CA8: variants seen among roughly 807,000 people sequenced by gnomAD.
The protein encoded by CA8 is carbonic anhydrase 8 (inactive).
CA8 carries 22 observed loss-of-function variants against 41.4 expected under a neutral mutation model. The observed-to-expected ratio is 0.53, with a 90% CI of 0.38 to 0.76. The LOEUF is 0.76. Among genes scored for constraint, CA8 ranks in the 30% least tolerant of loss-of-function variants. The pLI is 0.00. For missense variants in CA8, 270 were observed against 352.8 expected, an observed-to-expected ratio of 0.77 and a Z score of 1.88; for synonymous variants, 121 against 130.6, an observed-to-expected ratio of 0.93 and a Z score of 0.50.
chr8:60,279,300 T>C (rs1804334916), intron 2 of CA8, among the ~76,000 whole-genome samples: 1 of 152,224 alleles, frequency 6.6e-6, no homozygotes, highest in African/African-American at 2.4e-5. Context: ...AATTCTAATC[T>C]TTGGTTTCAC....
rs1432231964 is a variant in CA8 at position 60,232,323 on chromosome 8, C to T, written c.474G>A (p.Gly158=). ...CAATGATGGCGATTCCGTGCGGCTTCCCCACAGCCTCATCAATGCTGCCAA... is the reference window on the plus strand; with the variant it reads ...CAATGATGGCGATTCCGTGCGGCTTTCCCACAGCCTCATCAATGCTGCCAA... ...TLFGSIDEAV[G]KPHGIAIIAL... The change falls in exon 4 of 9, where the codon GGG becomes GGA. Residue 158 remains glycine (G), a synonymous_variant. Coordinates refer to ENST00000317995, the MANE Select transcript of CA8 (RefSeq NM_004056.6). 5.0e-6 allele frequency: 8 copies of T among 1,614,046 alleles called. No homozygotes were observed. The highest frequency in any genetic ancestry group is 6.8e-6 in the Non-Finnish European group (8 of 1,179,890).
intron 3 of CA8, among the ~76,000 whole-genome samples, chr8:60,237,151 G>A (rs1030320811): frequency 1.3e-5 from 2 of 152,152 alleles, no homozygotes; most frequent in Admixed American, 6.5e-5. Flanking sequence ...TAGGAATCTC[G>A]TCTTAGATTC....
intron 8 of CA8, among the ~76,000 whole-genome samples, chr8:60,193,668 T>C (rs918737727): frequency 6.6e-6 from 1 of 152,184 alleles, no homozygotes; most frequent in Non-Finnish European, 1.5e-5. Flanking sequence ...GTATTCAAAT[T>C]CCAGATTCCT....
intron 3 of CA8, among the ~76,000 whole-genome samples, chr8:60,262,660 G>A (rs1723071489): frequency 6.6e-6 from 1 of 152,172 alleles, no homozygotes. Context: ...ATGTACTCTG[G>A]GCAACATAGT....
In CA8 at chr8:60,279,839, A is replaced by T; in HGVS notation, c.142T>A (p.Tyr48Asn). The change falls in exon 2 of 9, where the codon TAC becomes AAC. Residue 48 changes from tyrosine to asparagine, a missense_variant. Physicochemically the swap from Tyr to Asn is moderately radical, Grantham distance 143. This residue lies in a region of CA8 where 123 missense variants were observed against 136.8 expected (regional missense o/e 0.90). Transcript: ENST00000317995. ...GLVFPDANGE[Y>N]QSPINLNSRE... ...GAGTTTAGGTTAATAGGAGACTGGT[A>T]TTCCCCATTAGCATCAGGAAACACC... 6.2e-7 allele frequency: 1 copy of T among 1,613,930 alleles called. No individual in the cohort carries two copies. Among genetic ancestry groups the T allele is most frequent in the Non-Finnish European group, 8.5e-7 (1 of 1,179,932 alleles).
At chr8:60,227,718 CT>C (rs1228611142) in intron 4 of CA8, among the ~76,000 whole-genome samples, 1 of 152,034 alleles carries the variant, frequency 6.6e-6, no homozygotes, top group African/African-American at 2.4e-5. Context: ...AAATCAAGAC[CT>C]TTCTTGATTA....
intron 7 of CA8, among the ~76,000 whole-genome samples, chr8:60,213,572 T>C (rs1461200443): frequency 2.6e-5 from 4 of 152,182 alleles, no homozygotes; most frequent in Non-Finnish European, 5.9e-5. Context: ...CACTCGAAAT[T>C]TGGCTTGTCC....
intron 8 of CA8, 25 bp downstream of exon 8, chr8:60,208,725 T>C (rs1391077730): frequency 1.9e-6 from 3 of 1,605,406 alleles, no homozygotes; most frequent in Non-Finnish European, 2.6e-6. Flanking sequence ...GTGCACCTCA[T>C]TTTCCTTACT....
chr8:60,246,719 A>T (rs1423110976), intron 3 of CA8, among the ~76,000 whole-genome samples: 1 of 152,182 alleles, frequency 6.6e-6, no homozygotes, highest in African/African-American at 2.4e-5. Context: ...TGTAACTCAG[A>T]AGAAAATTTT....
chr8:60,269,658 A>C (rs563938186), intron 2 of CA8, among the ~76,000 whole-genome samples: 4 of 152,354 alleles, frequency 2.6e-5, no homozygotes, highest in Non-Finnish European at 5.9e-5. Context: ...CAGATAATTC[A>C]AAGGCTAGTG....
intron 3 of CA8, among the ~76,000 whole-genome samples, chr8:60,241,142 C>A (rs979418912): frequency 6.6e-6 from 1 of 152,180 alleles, no homozygotes; most frequent in Non-Finnish European, 1.5e-5. Flanking sequence ...GATGCTGCTA[C>A]GCTTTAAGTC....
intron 7 of CA8, among the ~76,000 whole-genome samples, chr8:60,220,102 A>G (rs1444381518): frequency 1.3e-5 from 2 of 152,100 alleles, no homozygotes; most frequent in African/African-American, 4.8e-5. Flanking sequence ...CTTTGGGTTA[A>G]CAATGGCCTA....
At chr8:60,256,365 T>C (rs1402225956) in intron 3 of CA8, among the ~76,000 whole-genome samples, 1 of 152,146 alleles carries the variant, frequency 6.6e-6, no homozygotes, top group Non-Finnish European at 1.5e-5. Flanking sequence ...GACTAAGAAT[T>C]TACATTGCCA....
chr8:60,207,991 CTTGGG>C (rs1253678018), intron 8 of CA8: 1 of 152,180 alleles, frequency 6.6e-6, no homozygotes, highest in African/African-American at 2.4e-5. Flanking sequence ...ATGCCTTCCC[CTTGGG>C]AAGCTGTGGT....
chr8:60,206,469 T>A (rs998316042), intron 8 of CA8, among the ~76,000 whole-genome samples: 9 of 152,178 alleles, frequency 5.9e-5, no homozygotes, highest in South Asian at 2.1e-4. Context: ...ATAATCTCCC[T>A]TCATTAAAAG....
chr8:60,219,930 A>AAAAAAAAAAAC (rs1491395558), intron 7 of CA8, among the ~76,000 whole-genome samples: 1 of 13,020 alleles, frequency 7.7e-5, no homozygotes, highest in Non-Finnish European at 1.9e-4. Flanking sequence ...ATCTTAACTT[A>AAAAAAAAAAAC]AAAAAAAAAA....
At chr8:60,192,508 C>T (rs889942425) in intron 8 of CA8, among the ~76,000 whole-genome samples, 1 of 152,050 alleles carries the variant, frequency 6.6e-6, no homozygotes, top group Non-Finnish European at 1.5e-5. Context: ...TATGTTTATG[C>T]CATGTGTTGG....
chr8:60,281,245 TG>T lies in CA8; in HGVS notation c.-99del. The T allele has an allele frequency of 1.2e-6, 1 of 800,666 alleles. No homozygotes were observed. The highest frequency in any genetic ancestry group is 2.1e-6 in the Non-Finnish European group (1 of 483,614). 49.6% of individuals were successfully genotyped at this position (800,666 alleles called of 1,614,324 possible). A position where few individuals can be genotyped will look rare whatever the true frequency, so the allele number is the denominator to read the frequency against. On this transcript the variant is annotated 5_prime_UTR_variant, in exon 1 of 9. Coordinates refer to ENST00000317995, the MANE Select transcript of CA8 (RefSeq NM_004056.6). ...GGAGCGGAGCGCGCGTGGGGGAGTG[TG>T]AGCACGCGTGAGCGGCAGTGTGAGT...
intron 2 of CA8, among the ~76,000 whole-genome samples, chr8:60,275,712 A>G (rs62511605): frequency 0.041 from 6,211 of 152,256 alleles, 186 homozygotes; most frequent in Non-Finnish European, 0.061. Context: ...TAAAAGACAC[A>G]ATTATCTTGA....
Sources: allele counts gnomAD v4.1 joint callset (sites outside exome capture counted in the v4.1 genomes callset), GRCh38; gene constraint gnomAD v4.1.1; regional missense constraint gnomAD v4.1.1; transcripts MANE v1.5; gene names NCBI Gene and HGNC (gene_info 2026-07-23, HGNC 2026-07-21).